Variants in GPC5 observed in about 807,000 individuals in gnomAD.
GPC5 encodes the protein glypican 5, also known as glypican-5.
In GPC5, 47 loss-of-function variants were observed where a neutral mutation model predicts 53.9. That is an observed-to-expected ratio of 0.87 (90% CI 0.69 to 1.11). The LOEUF is 1.11. Ranked by LOEUF, GPC5 falls within the 50% of genes most tolerant of loss-of-function variation. The pLI is 0.00. For synonymous variants in GPC5, 286 were observed against 263.3 expected (o/e 1.09, Z -0.84); for missense variants, 748 against 713.1 (o/e 1.05, Z -0.56).
chr13:91,711,578 A>G (rs942965672), intron 3 of GPC5, among the ~76,000 whole-genome samples: 10 of 152,328 alleles, frequency 6.6e-5, no homozygotes, highest in Non-Finnish European at 1.0e-4. Flanking sequence ...CGTTGTGCAC[A>G]TGTACCCTAG....
chr13:92,163,194 A>G (rs113089725), intron 7 of GPC5, among the ~76,000 whole-genome samples: 7,646 of 152,098 alleles, frequency 0.05, 457 homozygotes, highest in African/African-American at 0.14. Flanking sequence ...GGGCATGGTG[A>G]TTCACGCCTG....
chr13:92,091,663 G>T (rs978274682), intron 6 of GPC5, among the ~76,000 whole-genome samples: 1 of 150,972 alleles, frequency 6.6e-6, no homozygotes, highest in East Asian at 1.9e-4. Context: ...AATATTTTCT[G>T]CATGTCACAT....
intron 5 of GPC5, among the ~76,000 whole-genome samples, chr13:91,783,498 A>G (rs917390953): frequency 2.0e-5 from 3 of 152,078 alleles, no homozygotes; most frequent in African/African-American, 2.4e-5. Flanking sequence ...CAGTGGAACA[A>G]CCTCGGCTAA....
chr13:91,660,671 T>A (rs16946441), intron 2 of GPC5, among the ~76,000 whole-genome samples: 1 of 152,146 alleles, frequency 6.6e-6, no homozygotes, highest in Non-Finnish European at 1.5e-5. Context: ...CTTTTGTTAA[T>A]CAGATCACCA....
intron 5 of GPC5, among the ~76,000 whole-genome samples, chr13:91,821,781 A>G (rs1255744948): frequency 2.0e-5 from 3 of 152,122 alleles, no homozygotes; most frequent in Admixed American, 6.6e-5. Context: ...CTTAGACATT[A>G]CATGTGATCC....
At chr13:91,531,692 A>T (rs567192342) in intron 2 of GPC5, among the ~76,000 whole-genome samples, 1,626 of 152,306 alleles carry the variant, frequency 0.011, 14 homozygotes, top group Non-Finnish European at 0.019. Flanking sequence ...TTTGTTCTTT[A>T]TACAAAAGTA....
At chr13:92,262,571 G>A (rs1403365358) in intron 7 of GPC5, among the ~76,000 whole-genome samples, 3 of 152,100 alleles carry the variant, frequency 2.0e-5, no homozygotes, top group Non-Finnish European at 2.9e-5. Flanking sequence ...CGTGTTTTCA[G>A]TGCATACTTA....
At chr13:92,657,867 G>C (rs975485116) in intron 7 of GPC5, among the ~76,000 whole-genome samples, 1 of 151,980 alleles carries the variant, frequency 6.6e-6, no homozygotes, top group African/African-American at 2.4e-5. Flanking sequence ...GTGTTTCCTA[G>C]AAAACTAATA....
intron 6 of GPC5, among the ~76,000 whole-genome samples, chr13:92,097,540 T>C (rs1030934059): frequency 7.2e-5 from 11 of 152,220 alleles, no homozygotes; most frequent in Non-Finnish European, 1.5e-4. Context: ...GTGTTACTCA[T>C]AGACGTCTTA....
rs116876230 is a variant in GPC5 at position 91,855,884 on chromosome 13, C to T, written c.1281-52053C>T. 2.4e-3 allele frequency among the ~76,000 whole-genome samples: 361 copies of T among 151,576 alleles called. 7 individuals carry two copies. In the East Asian group the frequency reaches 0.055, roughly 23 times the overall value. ...TGTAGATATATAATTCAATGACACACATAAATATATAAATTCATGTAGCCA... is the reference window on the plus strand; with the variant it reads ...TGTAGATATATAATTCAATGACACATATAAATATATAAATTCATGTAGCCA... On this transcript the variant is annotated intron_variant, in intron 5 of 7. Transcript: ENST00000377067.
At position 92,283,424 on chromosome 13, in the gene GPC5, A is replaced by T. The variant is rs188819753; in HGVS notation, c.1561+138435A>T. Reference sequence around the variant, plus strand: ...ACATCTTCAGAACTCTCCACCCCAAATCAACAGAATATACGTTCTTCTCAG... The same window carrying T: ...ACATCTTCAGAACTCTCCACCCCAATTCAACAGAATATACGTTCTTCTCAG... On this transcript the variant is annotated intron_variant, in intron 7 of 7. Transcript: ENST00000377067. 1.5e-3 allele frequency among the ~76,000 whole-genome samples: 222 copies of T among 152,286 alleles called. 2 individuals are homozygous for T. The highest frequency in any genetic ancestry group is 0.01 in the Middle Eastern group (3 of 294).
At chr13:92,777,414 C>A (rs1269660335) in intron 7 of GPC5, among the ~76,000 whole-genome samples, 1 of 150,738 alleles carries the variant, frequency 6.6e-6, no homozygotes, top group Non-Finnish European at 1.5e-5. Context: ...GCAGGCAGAT[C>A]ACGAGGTCAA....
intron 7 of GPC5, among the ~76,000 whole-genome samples, chr13:92,547,730 A>G (rs1882167120): frequency 6.6e-6 from 1 of 151,020 alleles, no homozygotes; most frequent in African/African-American, 2.4e-5. Flanking sequence ...AAATCTTTGT[A>G]TTCTATTCAT....
chr13:91,784,371 A>G (rs1276812460), intron 5 of GPC5, among the ~76,000 whole-genome samples: 1 of 152,192 alleles, frequency 6.6e-6, no homozygotes, highest in Non-Finnish European at 1.5e-5. Flanking sequence ...CAGGTGATTT[A>G]ACAAGTTGCA....
chr13:91,474,873 A>G (rs1242404535), intron 2 of GPC5, among the ~76,000 whole-genome samples: 1 of 152,124 alleles, frequency 6.6e-6, no homozygotes, highest in African/African-American at 2.4e-5. Flanking sequence ...CTTATTGGAT[A>G]TTTACTATGG....
chr13:92,291,755 C>G (rs191398576), intron 7 of GPC5, among the ~76,000 whole-genome samples: 2 of 152,300 alleles, frequency 1.3e-5, no homozygotes, highest in Non-Finnish European at 2.9e-5. Flanking sequence ...TAACACTCAC[C>G]CTGAAGGTCT....
intron 4 of GPC5, among the ~76,000 whole-genome samples, chr13:91,735,135 C>A (rs2036786432): frequency 6.6e-6 from 1 of 151,156 alleles, no homozygotes; most frequent in Non-Finnish European, 1.5e-5. Flanking sequence ...TCAAGGTTAT[C>A]AAGTTTTCTT....
intron 6 of GPC5, among the ~76,000 whole-genome samples, chr13:91,918,675 A>G (rs947726077): frequency 6.6e-6 from 1 of 152,110 alleles, no homozygotes; most frequent in Non-Finnish European, 1.5e-5. Flanking sequence ...TCAGAAACCA[A>G]TAGCCTTTTT....
At chr13:91,936,197 A>C (rs2039869561) in intron 6 of GPC5, among the ~76,000 whole-genome samples, 1 of 152,024 alleles carries the variant, frequency 6.6e-6, no homozygotes, top group Non-Finnish European at 1.5e-5. Context: ...CACCAAACCA[A>C]CCAATAAACC....
Sources: gnomAD v4.1 joint callset for allele counts (sites outside exome capture counted in the v4.1 genomes callset) on GRCh38, gnomAD v4.1.1 for gene constraint, MANE v1.5 for transcripts, NCBI Gene and HGNC (gene_info 2026-07-23, HGNC 2026-07-21) for gene names.